Variants in TMEM184C observed in about 807,000 individuals in gnomAD.
TMEM184C encodes the protein transmembrane protein 184C, also known as transmembrane protein 34.
Under a neutral mutation model 54.5 loss-of-function variants are expected in TMEM184C, and 25 were observed. That is an observed-to-expected ratio of 0.46 (90% CI 0.33 to 0.64). The LOEUF (loss-of-function observed/expected upper bound fraction) is 0.64, where lower values mean the gene tolerates loss of function less well. Among genes scored for constraint, TMEM184C ranks in the 30% least tolerant of loss-of-function variants. The pLI is 0.02. For synonymous variants in TMEM184C, 148 were observed against 181.5 expected (o/e 0.82, Z 1.49); for missense variants, 335 against 520.3 (o/e 0.64, Z 3.46).
chr4:147,624,039 T>C (rs1010688002), intron 2 of TMEM184C, 23 bp from the exon 3 acceptor site: 9 of 1,611,576 alleles, frequency 5.6e-6, no homozygotes, highest in African/African-American at 1.3e-5. Context: ...ATGTTTTAAA[T>C]TTCTGTTTTC....
intron 4 of TMEM184C, among the ~76,000 whole-genome samples, chr4:147,626,506 A>G (rs1205004924): frequency 6.6e-6 from 1 of 152,260 alleles, no homozygotes; most frequent in East Asian, 1.9e-4. Flanking sequence ...CAGTGTAGAC[A>G]TACAACATAA....
Position 147,617,922 on chromosome 4 carries a change from T to C in TMEM184C, c.-35T>C. Reference sequence around the variant, plus strand: ...CCCATTACAATCTTTTCGAGATCTTTTCCCTTGCTAACCGGATCTGATTTG... The same window carrying C: ...CCCATTACAATCTTTTCGAGATCTTCTCCCTTGCTAACCGGATCTGATTTG... On this transcript the variant is annotated 5_prime_UTR_variant, in exon 1 of 10. Coordinates refer to ENST00000296582, the MANE Select transcript of TMEM184C (RefSeq NM_018241.3). 6.2e-7 allele frequency: 1 copy of C among 1,612,680 alleles called. No individual in the cohort carries two copies. Among genetic ancestry groups the C allele is most frequent in the Non-Finnish European group, 8.5e-7 (1 of 1,179,144 alleles).
Position 147,632,926 on chromosome 4 carries a change from T to C in TMEM184C, c.803T>C (p.Leu268Ser). The change falls in exon 8 of 10, where the codon TTG becomes TCG. Residue 268 changes from leucine to serine, a missense_variant. Leu to Ser is a moderately radical substitution (Grantham distance 145, BLOSUM62 -2). Coordinates refer to ENST00000296582, the MANE Select transcript of TMEM184C (RefSeq NM_018241.3). Reference protein sequence around the residue: ...SFWQAVVIALLVKVGVISEKH... With the variant: ...SFWQAVVIALSVKVGVISEKH... ...AGGCAAGCAGTAGTTATTGCTTTGT[T>C]GGTAAAAGTTGGCGTTATTTCTGAA... is the stretch of plus-strand genomic sequence containing the variant. 6.2e-7 allele frequency: 1 copy of C among 1,614,060 alleles called. No individual in the cohort carries two copies. The highest frequency in any genetic ancestry group is 1.1e-5 in the South Asian group (1 of 91,072).
chr4:147,617,803 C>T lies in TMEM184C; in HGVS notation c.-154C>T, dbSNP rs1404183531. 3 of 1,006,176 alleles carry T rather than the reference C, an allele frequency of 3.0e-6. No homozygotes were observed. The highest frequency in any genetic ancestry group is 1.4e-5 in the South Asian group (1 of 69,726). 62.3% of individuals were successfully genotyped at this position (1,006,176 alleles called of 1,614,324 possible). ...GCAGCAGCAGCAGAAGACACAGCGC[C>T]GGTCCAGGAGGCGGCTCGAGCTGTT... On this transcript the variant is annotated 5_prime_UTR_variant, in exon 1 of 10. Transcript: ENST00000296582.
Position 147,630,522 on chromosome 4 carries a change from A to G in TMEM184C, c.666+830A>G, listed in dbSNP as rs138013516. 2.0e-3 allele frequency among the ~76,000 whole-genome samples: 308 copies of G among 152,186 alleles called. 1 individual carries two copies. Among genetic ancestry groups the G allele is most frequent in the African/African-American group, 5.1e-3 (211 of 41,574 alleles). On this transcript the variant is annotated intron_variant, in intron 6 of 9. Coordinates refer to ENST00000296582, the MANE Select transcript of TMEM184C (RefSeq NM_018241.3). Reference sequence around the variant, plus strand: ...AAGGCTGAAAGCAATCCAAAACCCAATGTTAGGGACTAGTTGAATGCACTG... The same window carrying G: ...AAGGCTGAAAGCAATCCAAAACCCAGTGTTAGGGACTAGTTGAATGCACTG...
At chr4:147,629,439 T>G (rs10519911) in intron 5 of TMEM184C, among the ~76,000 whole-genome samples, 160 bp from the exon 6 acceptor site, 1 of 151,986 alleles carries the variant, frequency 6.6e-6, no homozygotes, top group Non-Finnish European at 1.5e-5. Flanking sequence ...TGTCAATGGA[T>G]CTCTCAAATA....
chr4:147,630,365 A>G (rs1206841300), intron 6 of TMEM184C, among the ~76,000 whole-genome samples: 1 of 152,038 alleles, frequency 6.6e-6, no homozygotes, highest in African/African-American at 2.4e-5. Context: ...CCATGTAGCT[A>G]AAGTTTTCCC....
rs1022409141 is a variant in TMEM184C, at chr4:147,636,679, AGTAGC to A, written c.*2246_*2250del. On this transcript the variant is annotated 3_prime_UTR_variant, in exon 10 of 10. Transcript: ENST00000296582. ...AAAGAAACAGTCAACAAAATGAAAC[AGTAGC>A]CTACAGATTGAGTAAAAAATATTTG... is the stretch of plus-strand genomic sequence containing the variant. The A allele has an allele frequency of 1.3e-5, 2 of 152,278 alleles. No homozygotes were observed. Among genetic ancestry groups the A allele is most frequent in the African/African-American group, 4.8e-5 (2 of 41,454 alleles). 9.4% of individuals were successfully genotyped at this position (152,278 alleles called of 1,614,324 possible).
rs1732624625 is a variant in TMEM184C, at chr4:147,617,773, C to G, written c.-184C>G. 15 of 727,992 alleles carry G rather than the reference C, an allele frequency of 2.1e-5. No individual in the cohort carries two copies. Among genetic ancestry groups the G allele is most frequent in the Non-Finnish European group, 3.0e-5 (13 of 431,572 alleles). The allele number at this position is 727,992 out of a possible 1,614,324, so 45.1% of individuals were successfully genotyped here. A position where few individuals can be genotyped will look rare whatever the true frequency, so the allele number is the denominator to read the frequency against. On this transcript the variant is annotated 5_prime_UTR_variant, in exon 1 of 10. Transcript: ENST00000296582. ...ATAGCACCCTGAGAGGCTACATTTGCAGAAGCAGCAGCAGCAGAAGACACA... is the reference window on the plus strand; with the variant it reads ...ATAGCACCCTGAGAGGCTACATTTGGAGAAGCAGCAGCAGCAGAAGACACA...
chr4:147,634,583 T>A lies in TMEM184C; in HGVS notation c.*149T>A. ...GGTACAACTACTGCATTTATATATG[T>A]AAGTTTTGTATATCAAAAATAATTG... On this transcript the variant is annotated 3_prime_UTR_variant, in exon 10 of 10. Transcript: ENST00000296582. 1.2e-6 allele frequency: 1 copy of A among 813,786 alleles called. No individual in the cohort carries two copies. Among genetic ancestry groups the A allele is most frequent in the Non-Finnish European group, 1.9e-6 (1 of 534,000 alleles). 50.4% of individuals were successfully genotyped at this position (813,786 alleles called of 1,614,324 possible). A position where few individuals can be genotyped will look rare whatever the true frequency, so the allele number is the denominator to read the frequency against.
intron 1 of TMEM184C, among the ~76,000 whole-genome samples, chr4:147,620,670 T>C (rs956046244): frequency 2.0e-5 from 3 of 152,146 alleles, no homozygotes; most frequent in South Asian, 4.1e-4. Flanking sequence ...AGCAGGAAGA[T>C]TGGATTCCAG....
At chr4:147,625,099 A>C in intron 4 of TMEM184C, 90 bp downstream of exon 4, 2 of 1,215,380 alleles carry the variant, frequency 1.6e-6, no homozygotes, top group Non-Finnish European at 2.4e-6. Context: ...AAGGCAGTGC[A>C]TTAAGTATTA....
In TMEM184C at chr4:147,635,252, T is replaced by C. The variant is rs912495697; in HGVS notation, c.*818T>C. 3.9e-5 allele frequency: 6 copies of C among 152,188 alleles called. No homozygotes were observed. Among genetic ancestry groups the C allele is most frequent in the Non-Finnish European group, 8.8e-5 (6 of 68,038 alleles). The allele number at this position is 152,188 out of a possible 1,614,324, so 9.4% of individuals were successfully genotyped here. A position where few individuals can be genotyped will look rare whatever the true frequency, so the allele number is the denominator to read the frequency against. On this transcript the variant is annotated 3_prime_UTR_variant, in exon 10 of 10. Transcript: ENST00000296582. ...TGCAACTTTTTTATGTCTCATTCTT[T>C]AAACATTAAAAACCCTTAATATTTT...
intron 4 of TMEM184C, 95 bp from the exon 5 acceptor site, chr4:147,628,266 T>C: frequency 1.1e-6 from 1 of 884,794 alleles, no homozygotes; most frequent in African/African-American, 1.7e-5. Flanking sequence ...AAATATGGTA[T>C]CATTCATCAA....
In TMEM184C at chr4:147,635,796, C is replaced by G. The variant is rs1434582392; in HGVS notation, c.*1362C>G. 2.6e-5 allele frequency: 4 copies of G among 151,840 alleles called. No homozygotes were observed. In the East Asian group the frequency reaches 7.7e-4, roughly 29 times the overall value. 9.4% of individuals were successfully genotyped at this position (151,840 alleles called of 1,614,324 possible). Reference sequence around the variant, plus strand: ...AACTCAAGTGAATTCAGTAAAGTTGCAGAATACAAAATCAACATACAAAAA... The same window carrying G: ...AACTCAAGTGAATTCAGTAAAGTTGGAGAATACAAAATCAACATACAAAAA... On this transcript the variant is annotated 3_prime_UTR_variant, in exon 10 of 10. Coordinates refer to ENST00000296582, the MANE Select transcript of TMEM184C (RefSeq NM_018241.3).
Position 147,634,597 on chromosome 4 carries a change from C to A in TMEM184C, c.*163C>A, listed in dbSNP as rs1732979497. On this transcript the variant is annotated 3_prime_UTR_variant, in exon 10 of 10. Transcript: ENST00000296582. ...ATTTATATATGTAAGTTTTGTATAT[C>A]AAAAATAATTGGTCTAAATTTCCTA... The A allele has an allele frequency of 1.4e-6, 1 of 731,022 alleles. No homozygotes were observed. Among genetic ancestry groups the A allele is most frequent in the Non-Finnish European group, 2.1e-6 (1 of 467,808 alleles). 45.3% of individuals were successfully genotyped at this position (731,022 alleles called of 1,614,324 possible).
chr4:147,635,224 T>C lies in TMEM184C; in HGVS notation c.*790T>C, dbSNP rs1732996791. The C allele has an allele frequency of 6.6e-6, 1 of 152,228 alleles. No individual in the cohort carries two copies. The highest frequency in any genetic ancestry group is 1.5e-5 in the Non-Finnish European group (1 of 68,036). 9.4% of individuals were successfully genotyped at this position (152,228 alleles called of 1,614,324 possible). A position where few individuals can be genotyped will look rare whatever the true frequency, so the allele number is the denominator to read the frequency against. On this transcript the variant is annotated 3_prime_UTR_variant, in exon 10 of 10. Transcript: ENST00000296582. The stretch of plus-strand genomic sequence containing the variant: ...AATAAATAAGAATTTATCATTTATT[T>C]TCTGCAACTTTTTTATGTCTCATTC...
chr4:147,635,965 CTA>C lies in TMEM184C; in HGVS notation c.*1533_*1534del, dbSNP rs1407509645. On this transcript the variant is annotated 3_prime_UTR_variant, in exon 10 of 10. Transcript: ENST00000296582. ...AAAAGATCTGTATGTACACTGAAAA[CTA>C]TGAAACACTGATGAAAGAAAGACAC... 1 of 152,078 alleles carries C rather than the reference CTA, an allele frequency of 6.6e-6. No homozygotes were observed. Among genetic ancestry groups the C allele is most frequent in the East Asian group, 1.9e-4 (1 of 5,202 alleles). The allele number at this position is 152,078 out of a possible 1,614,324, so 9.4% of individuals were successfully genotyped here.
At chr4:147,619,157 C>A (rs904163540) in intron 1 of TMEM184C, among the ~76,000 whole-genome samples, 3 of 151,936 alleles carry the variant, frequency 2.0e-5, no homozygotes, top group African/African-American at 7.3e-5. Flanking sequence ...TGAGCCACCG[C>A]ACCCAGCCCC....
Sources: allele counts gnomAD v4.1 joint callset (sites outside exome capture counted in the v4.1 genomes callset), GRCh38; gene constraint gnomAD v4.1.1; transcripts MANE v1.5; gene names NCBI Gene and HGNC (gene_info 2026-07-23, HGNC 2026-07-21).